The following HTR1E variants were observed in gnomAD, a reference collection of about 807,000 sequenced individuals.
HTR1E encodes the protein 5-hydroxytryptamine receptor 1E, also known as 5-HT-1E.
Under a neutral mutation model 3.4 loss-of-function variants are expected in HTR1E, and 3 were observed. The observed-to-expected ratio is 0.89, with a 90% confidence interval of 0.41 to 2.31. HTR1E has a LOEUF of 2.31. Ranked by LOEUF, HTR1E falls within the 30% of genes most tolerant of loss-of-function variation. The pLI, the probability that HTR1E is intolerant of heterozygous loss-of-function variation, is 0.05. For missense variants in HTR1E, 392 were observed against 467.0 expected, an observed-to-expected ratio of 0.84 and a Z score of 1.48; for synonymous variants, 170 against 182.8, an observed-to-expected ratio of 0.93 and a Z score of 0.56.
At chr6:86,990,254 G>C (rs1181972402) in intron 1 of HTR1E, among the ~76,000 whole-genome samples, 1 of 152,284 alleles carries the variant, frequency 6.6e-6, no homozygotes, top group East Asian at 1.9e-4. Context: ...TCAAGCACCA[G>C]CTAGCTTAAA....
intron 1 of HTR1E, among the ~76,000 whole-genome samples, chr6:87,002,645 G>C (rs1354223728): frequency 2.0e-5 from 3 of 152,028 alleles, no homozygotes; most frequent in African/African-American, 7.3e-5. Context: ...GCTAGACACA[G>C]AGTGCTGATC....
intron 1 of HTR1E, among the ~76,000 whole-genome samples, chr6:86,983,803 C>CT (rs370679773): frequency 6.6e-6 from 1 of 152,010 alleles, no homozygotes; most frequent in Admixed American, 6.6e-5. Context: ...TTATTCAGAT[C>CT]TTTTTTTCTA....
chr6:86,961,724 AT>A (rs1767410828), intron 1 of HTR1E, among the ~76,000 whole-genome samples: 1 of 152,206 alleles, frequency 6.6e-6, no homozygotes, highest in Admixed American at 6.5e-5. Context: ...TATAACCTTT[AT>A]GTTGCTCTTG....
At chr6:86,985,732 C>T (rs1327718927) in intron 1 of HTR1E, among the ~76,000 whole-genome samples, 1 of 152,174 alleles carries the variant, frequency 6.6e-6, no homozygotes, top group African/African-American at 2.4e-5. Flanking sequence ...ATGTGAGCAC[C>T]TCAAGGGCAA....
chr6:86,989,352 G>T (rs1254749130), intron 1 of HTR1E, among the ~76,000 whole-genome samples: 1 of 152,144 alleles, frequency 6.6e-6, no homozygotes, highest in Non-Finnish European at 1.5e-5. Context: ...AGTGGTCTTG[G>T]AAGATGTTTT....
In HTR1E at chr6:87,015,285, A is replaced by T. The variant is rs1768301499; in HGVS notation, c.-50A>T. 1 of 1,457,070 alleles carries T rather than the reference A, an allele frequency of 6.9e-7. No homozygotes were observed. Among genetic ancestry groups the T allele is most frequent in the African/African-American group, 1.4e-5 (1 of 70,878 alleles). 90.3% of individuals were successfully genotyped at this position (1,457,070 alleles called of 1,614,324 possible). A position where few individuals can be genotyped will look rare whatever the true frequency, so the allele number is the denominator to read the frequency against. On this transcript the variant is annotated 5_prime_UTR_variant, in exon 2 of 2. In the 5' UTR this introduces an upstream ATG that the reference lacks. Coordinates refer to ENST00000305344, the MANE Select transcript of HTR1E (RefSeq NM_000865.3). Reference sequence around the variant, plus strand: ...TCGAGGCTACATAGTTTTCAGCCAAAGGAAAATAACCAACAGCTTCTCCAC... The same window carrying T: ...TCGAGGCTACATAGTTTTCAGCCAATGGAAAATAACCAACAGCTTCTCCAC...
chr6:86,952,494 CACAG>C (rs1316164781), intron 1 of HTR1E, among the ~76,000 whole-genome samples: 1 of 145,294 alleles, frequency 6.9e-6, no homozygotes, highest in African/African-American at 2.7e-5. Context: ...CATACACACA[CACAG>C]ACACACACAC....
At chr6:86,975,706 T>C (rs1038684809) in intron 1 of HTR1E, among the ~76,000 whole-genome samples, 4 of 152,156 alleles carry the variant, frequency 2.6e-5, no homozygotes, top group Admixed American at 2.0e-4. Context: ...GTAGGATTTT[T>C]AGTCTAGGAA....
rs554972506 is a variant in HTR1E, at chr6:86,992,186, C to G, written c.-185-22964C>G. On this transcript the variant is annotated intron_variant, in intron 1 of 1. Coordinates refer to ENST00000305344, the MANE Select transcript of HTR1E (RefSeq NM_000865.3). ...TTTGCCTTCTAAACAATAATCCCTTCGAAATGACTTTGTGAATGAATGCAA... is the reference window on the plus strand; with the variant it reads ...TTTGCCTTCTAAACAATAATCCCTTGGAAATGACTTTGTGAATGAATGCAA... 3.3e-5 allele frequency among the ~76,000 whole-genome samples: 5 copies of G among 152,160 alleles called. No individual in the cohort carries two copies. In the South Asian group the frequency reaches 1.0e-3, roughly 32 times the overall value.
intron 1 of HTR1E, chr6:86,971,046 C>T (rs992815172): frequency 5.9e-6 from 3 of 509,628 alleles, no homozygotes; most frequent in Non-Finnish European, 1.2e-5. Flanking sequence ...TTGGAAAACA[C>T]TTCAAAGAAG....
intron 1 of HTR1E, chr6:87,000,374 T>A (rs1028612099): frequency 3.3e-5 from 5 of 152,052 alleles, no homozygotes; most frequent in African/African-American, 9.7e-5. Flanking sequence ...CCTAGAGTAA[T>A]AAATCAATAT....
At chr6:86,957,066 G>A (rs1767336390) in intron 1 of HTR1E, among the ~76,000 whole-genome samples, 1 of 152,148 alleles carries the variant, frequency 6.6e-6, no homozygotes, top group African/African-American at 2.4e-5. Context: ...GTGAGATTTA[G>A]CATGATTATT....
At chr6:86,979,886 C>T (rs1767687175) in intron 1 of HTR1E, among the ~76,000 whole-genome samples, 1 of 152,032 alleles carries the variant, frequency 6.6e-6, no homozygotes, top group African/African-American at 2.4e-5. Flanking sequence ...AGAAGGATGC[C>T]TGACAGGAGC....
chr6:87,002,620 G>A (rs1313035648), intron 1 of HTR1E, among the ~76,000 whole-genome samples: 1 of 152,086 alleles, frequency 6.6e-6, no homozygotes, highest in Non-Finnish European at 1.5e-5. Context: ...TAATTGGTGT[G>A]TTTACAATCC....
intron 1 of HTR1E, among the ~76,000 whole-genome samples, chr6:87,013,647 T>C (rs572046904): frequency 6.6e-6 from 1 of 150,846 alleles, no homozygotes; most frequent in South Asian, 2.1e-4. Flanking sequence ...TTACATAATA[T>C]GAATATATAT....
At chr6:86,956,605 C>G (rs978131125) in intron 1 of HTR1E, among the ~76,000 whole-genome samples, 3 of 152,116 alleles carry the variant, frequency 2.0e-5, no homozygotes, top group African/African-American at 7.2e-5. Flanking sequence ...CTTCTGACCC[C>G]CTAAAATGTA....
At chr6:86,995,216 C>G (rs1205516387) in intron 1 of HTR1E, among the ~76,000 whole-genome samples, 2 of 151,456 alleles carry the variant, frequency 1.3e-5, no homozygotes, top group African/African-American at 2.4e-5. Context: ...TTTGGGAGGC[C>G]GAGGCAGGAG....
intron 1 of HTR1E, among the ~76,000 whole-genome samples, chr6:87,012,723 T>C (rs534021376): frequency 1.3e-5 from 2 of 152,224 alleles, no homozygotes; most frequent in African/African-American, 4.8e-5. Flanking sequence ...ACTTACTATG[T>C]ATTAGGCGTT....
intron 1 of HTR1E, among the ~76,000 whole-genome samples, chr6:86,949,830 T>A (rs553604983): frequency 6.6e-6 from 1 of 152,332 alleles, no homozygotes; most frequent in East Asian, 1.9e-4. Context: ...TTCACAGTGT[T>A]GTTGTCTTTT....
Sources: gnomAD v4.1 joint callset for allele counts (sites outside exome capture counted in the v4.1 genomes callset) on GRCh38, gnomAD v4.1.1 for gene constraint, MANE v1.5 for transcripts, NCBI Gene and HGNC (gene_info 2026-07-23, HGNC 2026-07-21) for gene names.